Variants in CDKAL1 observed in about 807,000 individuals in gnomAD.
CDKAL1 encodes the protein threonylcarbamoyladenosine tRNA methylthiotransferase.
In CDKAL1, 32 loss-of-function variants were observed where a neutral mutation model predicts 68.2. The ratio of observed to expected loss-of-function variants is 0.47; its 90% CI spans 0.35 to 0.63. The LOEUF (loss-of-function observed/expected upper bound fraction) is 0.63, where lower values mean the gene tolerates loss of function less well. Among genes scored for constraint, CDKAL1 ranks in the 30% least tolerant of loss-of-function variants. The pLI is 0.00. For synonymous variants in CDKAL1, 234 were observed against 244.3 expected (o/e 0.96, Z 0.39); for missense variants, 606 against 696.7 (o/e 0.87, Z 1.47).
At chr6:20,713,055 A>G (rs978223476) in intron 5 of CDKAL1, among the ~76,000 whole-genome samples, 9 of 152,016 alleles carry the variant, frequency 5.9e-5, no homozygotes, top group East Asian at 5.8e-4. Flanking sequence ...GTGAAAAGCA[A>G]TCATTACTTA....
chr6:20,765,841 T>C (rs887936388), intron 7 of CDKAL1, among the ~76,000 whole-genome samples: 6 of 152,194 alleles, frequency 3.9e-5, no homozygotes, highest in African/African-American at 1.4e-4. Context: ...TATAACTGTA[T>C]TGGCCAAATT....
intron 5 of CDKAL1, among the ~76,000 whole-genome samples, chr6:20,658,399 C>T (rs189161116): frequency 1.2e-4 from 19 of 152,196 alleles, no homozygotes; most frequent in Admixed American, 1.3e-4. Flanking sequence ...TTACTTGAAA[C>T]GACAATTGAA....
intron 4 of CDKAL1, among the ~76,000 whole-genome samples, chr6:20,620,437 T>C (rs140682811): frequency 6.6e-6 from 1 of 152,192 alleles, no homozygotes; most frequent in East Asian, 1.9e-4. Flanking sequence ...ATATCATCTT[T>C]AATCTTCACA....
chr6:20,801,265 T>G (rs1776353507), intron 8 of CDKAL1, among the ~76,000 whole-genome samples: 1 of 152,166 alleles, frequency 6.6e-6, no homozygotes, highest in Admixed American at 6.5e-5. Flanking sequence ...AGAAATTTTC[T>G]ATCCTCATCT....
chr6:21,174,728 A>G (rs1255141597), intron 13 of CDKAL1, among the ~76,000 whole-genome samples: 1 of 83,180 alleles, frequency 1.2e-5, no homozygotes, highest in Non-Finnish European at 2.3e-5. Context: ...TTGGAGGGCA[A>G]TTTAACTATA....
intron 13 of CDKAL1, among the ~76,000 whole-genome samples, chr6:21,161,049 G>C (rs549598277): frequency 1.3e-5 from 2 of 152,164 alleles, no homozygotes; most frequent in South Asian, 4.2e-4. Flanking sequence ...TGGCTGGGGG[G>C]GTGCAGTGAA....
chr6:20,581,486 T>C (rs1765142318), intron 4 of CDKAL1, among the ~76,000 whole-genome samples: 2 of 152,208 alleles, frequency 1.3e-5, no homozygotes, highest in South Asian at 4.1e-4. Flanking sequence ...TTGGTTAGAC[T>C]TTAGGTAAAT....
chr6:20,564,151 A>G (rs944921139), intron 4 of CDKAL1, among the ~76,000 whole-genome samples: 12 of 152,218 alleles, frequency 7.9e-5, no homozygotes, highest in Admixed American at 4.6e-4. Flanking sequence ...TTGTGCCTGT[A>G]ATGCTAGCTA....
At position 20,731,281 on chromosome 6, in the gene CDKAL1, T is replaced by C. The variant is rs115502187; in HGVS notation, c.372-8238T>C. ...TTCTGTTTTAAAATGACCACTGCTG[T>C]GTTGAGACCAAAGTCTAAGGGAATG... On this transcript the variant is annotated intron_variant, in intron 5 of 15. Transcript: ENST00000274695. Among the ~76,000 whole-genome samples, 1,137 of 152,292 alleles carry C rather than the reference T, an allele frequency of 7.5e-3. 13 individuals carry two copies. The highest frequency in any genetic ancestry group is 0.012 in the Non-Finnish European group (847 of 68,022).
chr6:21,082,834 C>T lies in CDKAL1; in HGVS notation c.1236+17606C>T, dbSNP rs180947598. ...TATATAATGTGATATCTTGGGGATG[C>T]GAACTAAGTCTGAACGTGAAATTCA... On this transcript the variant is annotated intron_variant, in intron 12 of 15. Transcript: ENST00000274695. Among the ~76,000 whole-genome samples, 33 of 150,300 alleles carry T rather than the reference C, an allele frequency of 2.2e-4. 1 individual carries two copies. Among genetic ancestry groups the T allele is most frequent in the Non-Finnish European group, 8.9e-5 (6 of 67,786 alleles).
At chr6:20,675,598 A>G (rs764332074) in intron 5 of CDKAL1, among the ~76,000 whole-genome samples, 3 of 152,198 alleles carry the variant, frequency 2.0e-5, no homozygotes, top group Non-Finnish European at 2.9e-5. Flanking sequence ...TTGTCACACA[A>G]TGCATTACTG....
In CDKAL1 at chr6:20,991,235, A is replaced by G. The variant is rs181514462; in HGVS notation, c.910-8992A>G. 3.9e-4 allele frequency among the ~76,000 whole-genome samples: 59 copies of G among 152,302 alleles called. 1 individual carries two copies. The highest frequency in any genetic ancestry group is 1.3e-3 in the African/African-American group (53 of 41,558). ...TCAATTGCAGTAGTTAAATTCATGG[A>G]GACAGTAGAATTGTGGTTATGAGAG... On this transcript the variant is annotated intron_variant, in intron 10 of 15. Transcript: ENST00000274695.
chr6:21,022,407 G>A (rs1244429230), intron 11 of CDKAL1, among the ~76,000 whole-genome samples: 1 of 152,190 alleles, frequency 6.6e-6, no homozygotes, highest in Non-Finnish European at 1.5e-5. Flanking sequence ...GCTGCCCAGA[G>A]TCCTGAGAGA....
intron 6 of CDKAL1, among the ~76,000 whole-genome samples, chr6:20,757,071 C>T (rs771061856): frequency 6.6e-6 from 1 of 151,766 alleles, no homozygotes; most frequent in Non-Finnish European, 1.5e-5. Flanking sequence ...GTAGCTGGGA[C>T]TAAGGCATGC....
intron 9 of CDKAL1, among the ~76,000 whole-genome samples, chr6:20,898,892 G>T (rs1296516075): frequency 6.6e-6 from 1 of 152,036 alleles, no homozygotes; most frequent in African/African-American, 2.4e-5. Flanking sequence ...TCCCTGTACA[G>T]AATATTAGTT....
At chr6:20,784,891 T>G (rs1775603768) in intron 8 of CDKAL1, among the ~76,000 whole-genome samples, 1 of 152,186 alleles carries the variant, frequency 6.6e-6, no homozygotes, top group Non-Finnish European at 1.5e-5. Flanking sequence ...TTAAAATTTT[T>G]TTAATGTTTA....
chr6:20,594,771 G>A (rs1042165562), intron 4 of CDKAL1, among the ~76,000 whole-genome samples: 27 of 152,148 alleles, frequency 1.8e-4, no homozygotes, highest in African/African-American at 6.3e-4. Flanking sequence ...TTTCTTCATA[G>A]CATTGATGGT....
At chr6:20,569,476 C>T (rs1168810888) in intron 4 of CDKAL1, among the ~76,000 whole-genome samples, 2 of 152,162 alleles carry the variant, frequency 1.3e-5, no homozygotes, top group Non-Finnish European at 2.9e-5. Flanking sequence ...AATGCTTTTA[C>T]TTTGGTCAAG....
intron 9 of CDKAL1, among the ~76,000 whole-genome samples, chr6:20,857,251 A>G (rs994812946): frequency 1.2e-4 from 18 of 152,198 alleles, no homozygotes; most frequent in African/African-American, 4.1e-4. Context: ...CTCTTAGTTA[A>G]TCATTTCTGG....
Sources: gnomAD v4.1 joint callset for allele counts (sites outside exome capture counted in the v4.1 genomes callset) on GRCh38, gnomAD v4.1.1 for gene constraint, MANE v1.5 for transcripts, NCBI Gene and HGNC (gene_info 2026-07-23, HGNC 2026-07-21) for gene names.